The following ARHGAP30 variants were observed in gnomAD, a reference collection of about 807,000 sequenced individuals.
ARHGAP30 encodes the protein rho GTPase-activating protein 30.
ARHGAP30 carries 23 observed loss-of-function variants against 72.0 expected under a neutral mutation model. That is an observed-to-expected ratio of 0.32 (90% CI 0.23 to 0.45). The LOEUF is 0.45. ARHGAP30 is among the 20% of genes least tolerant of loss of function. The pLI is 1.00. For missense variants in ARHGAP30, 1,319 were observed against 1,383.4 expected (o/e 0.95, Z 0.74); for synonymous variants, 576 against 528.2 (o/e 1.09, Z -1.24).
At chr1:161,058,626 C>CA (rs758250379) in intron 2 of ARHGAP30, among the ~76,000 whole-genome samples, 27,277 of 86,650 alleles carry the variant, frequency 0.31, 4,738 homozygotes, top group African/African-American at 0.56. Flanking sequence ...GACTCTGTCT[C>CA]AAAAAAAAAA....
intron 5 of ARHGAP30, 78 bp from the exon 6 acceptor site, chr1:161,053,463 TCTCTCTCTC>T: frequency 3.4e-6 from 1 of 296,968 alleles, no homozygotes; most frequent in South Asian, 7.1e-5. Context: ...AATACCTTAT[TCTCTCTCTC>T]TCTCTCTCTC....
chr1:161,064,789 A>AAGAAAG (rs1652586496), intron 1 of ARHGAP30, among the ~76,000 whole-genome samples: 1 of 67,196 alleles, frequency 1.5e-5, no homozygotes. Context: ...AAAAGAAAGA[A>AAGAAAG]AGAAAGAAAG....
intron 1 of ARHGAP30, among the ~76,000 whole-genome samples, chr1:161,064,835 A>AAGAAAGAAAG (rs1557935481): frequency 0.012 from 868 of 72,968 alleles, 4 homozygotes; most frequent in Middle Eastern, 0.036. Context: ...AAGAAAGAGA[A>AAGAAAGAAAG]AGAAAGAAAG....
At chr1:161,054,813 T>C in intron 3 of ARHGAP30, 108 bp from the exon 4 acceptor site, 1 of 939,676 alleles carries the variant, frequency 1.1e-6, no homozygotes, top group Non-Finnish European at 1.7e-6. Context: ...CTGGACTCTG[T>C]GCTACCCCAT....
chr1:161,051,452 G>C lies in ARHGAP30; in HGVS notation c.1282C>G (p.Leu428Val). The change falls in exon 10 of 12, where the codon CTC becomes GTC. Residue 428 changes from leucine to valine, a missense_variant. Around this residue, in one of 2 missense-constraint regions of ARHGAP30, gnomAD observed 1,097 missense variants for 1,045.2 expected, o/e 1.05. Coordinates refer to ENST00000368013, the MANE Select transcript of ARHGAP30 (RefSeq NM_001025598.2). ...VNLPLHITSI[L>V]SVPPNIISNV... ...GAGATGATGTTCGGGGGCACACTGA[G>C]GATAGAGGTGATGTGTAGCGGGAGG... 6.2e-7 allele frequency: 1 copy of C among 1,614,276 alleles called. No individual in the cohort carries two copies.
At chr1:161,059,746 A>T in intron 1 of ARHGAP30, 30 bp from the exon 2 acceptor site, 1 of 1,586,524 alleles carries the variant, frequency 6.3e-7, no homozygotes. Flanking sequence ...AGAGACATAG[A>T]AATCAGAGGA....
At chr1:161,059,012 T>C (rs1176218347) in intron 2 of ARHGAP30, among the ~76,000 whole-genome samples, 1 of 152,070 alleles carries the variant, frequency 6.6e-6, no homozygotes, top group Non-Finnish European at 1.5e-5. Flanking sequence ...TTTTTTGATA[T>C]GTAAATTATA....
rs753369703 is a variant in ARHGAP30 at position 161,051,346 on chromosome 1, C to G, written c.1388G>C (p.Gly463Ala). The G allele has an allele frequency of 9.2e-5, 148 of 1,610,662 alleles. No homozygotes were observed. In the South Asian group the frequency reaches 1.5e-3, roughly 17 times the overall value. Residue 463 changes from glycine (G) to alanine (A), a missense_variant, in exon 10 of 12, where the codon GGC becomes GCC. By Grantham distance (60) the Gly-to-Ala change is moderately conservative. Coordinates refer to ENST00000368013, the MANE Select transcript of ARHGAP30 (RefSeq NM_001025598.2). The stretch of plus-strand genomic sequence containing the variant: ...GCCAGGGCCAAGGCCAGGGCCAGGG[C>G]CAGGGCCAGAGGCAGGGCTTGGCCG... Reference protein sequence around the residue: ...QHRPSPASGPGPGPGLGPGPP... With the variant: ...QHRPSPASGPAPGPGLGPGPP...
intron 1 of ARHGAP30, among the ~76,000 whole-genome samples, chr1:161,064,378 A>G (rs1652535959): frequency 6.6e-6 from 1 of 152,238 alleles, no homozygotes; most frequent in Non-Finnish European, 1.5e-5. Flanking sequence ...CATCCCTTGG[A>G]GATTTAACAG....
chr1:161,051,569 G>A lies in ARHGAP30; in HGVS notation c.1165C>T (p.Pro389Ser). Residue 389 changes from proline to serine, a missense_variant, in exon 10 of 12, where the codon CCA (proline) becomes TCA (serine). Transcript: ENST00000368013. ...CGGATGGCTGACCGCCCAGCTCGTG[G>A]TGTGCCTGGTTCAGAGTTTGTGCCA... Reference protein sequence around the residue: ...LGGTNSEPGTPRAGRSAIRAG... With the variant: ...LGGTNSEPGTSRAGRSAIRAG... The A allele has an allele frequency of 1.9e-6, 3 of 1,614,076 alleles. No individual in the cohort carries two copies. The highest frequency in any genetic ancestry group is 2.5e-6 in the Non-Finnish European group (3 of 1,180,052).
chr1:161,068,047 A>T (rs1652892592), intron 1 of ARHGAP30, among the ~76,000 whole-genome samples: 1 of 152,132 alleles, frequency 6.6e-6, no homozygotes, highest in South Asian at 2.1e-4. Context: ...CTAGGAATCC[A>T]GGAAGAGGCC....
chr1:161,048,447 C>T lies in ARHGAP30; in HGVS notation c.2574G>A (p.Glu858=). The T allele has an allele frequency of 6.2e-7, 1 of 1,614,106 alleles. No homozygotes were observed. Among genetic ancestry groups the T allele is most frequent in the South Asian group, 1.1e-5 (1 of 91,088 alleles). ...DQRAGGYYLE[E]DTLSEGSGVA... Reference sequence around the variant, plus strand: ...CACCTGAACCTTCAGAGAGGGTGTCCTCTTCTAAATAGTACCCTCCAGCCC... The same window carrying T: ...CACCTGAACCTTCAGAGAGGGTGTCTTCTTCTAAATAGTACCCTCCAGCCC... The change falls in exon 12 of 12, where the codon GAG becomes GAA. Residue 858 remains glutamate (E), a synonymous_variant. Transcript: ENST00000368013.
At chr1:161,065,632 T>A (rs1652700657) in intron 1 of ARHGAP30, among the ~76,000 whole-genome samples, 1 of 151,736 alleles carries the variant, frequency 6.6e-6, no homozygotes. Flanking sequence ...AATGGCGCGA[T>A]CTCAGTTCAC....
At position 161,052,755 on chromosome 1, in the gene ARHGAP30, C is replaced by T. The variant is rs780252856; in HGVS notation, c.707G>A (p.Arg236Gln). Reference protein sequence around the residue: ...ESGWRSLPGTRASGSPEDLMP... With the variant: ...ESGWRSLPGTQASGSPEDLMP... ...AAGGTCCTCGGGGCTGCCTGATGCC[C>T]GGGTCCCTGGAAGCGATCGCCACCC... is the stretch of plus-strand genomic sequence containing the variant. The change falls in exon 7 of 12, where the codon CGG becomes CAG. Residue 236 changes from arginine (R) to glutamine (Q), a missense_variant. Transcript: ENST00000368013. The T allele has an allele frequency of 2.2e-5, 35 of 1,611,784 alleles. No individual in the cohort carries two copies. Among genetic ancestry groups the T allele is most frequent in the Admixed American group, 3.3e-5 (2 of 59,972 alleles).
At chr1:161,053,462 TTCTCTCTC>T (rs57196073) in intron 5 of ARHGAP30, 77 bp from the exon 6 acceptor site, 13,644 of 690,440 alleles carry the variant, frequency 0.02, 33 homozygotes, top group South Asian at 0.033. Flanking sequence ...AAATACCTTA[TTCTCTCTC>T]TCTCTCTCTC....
At chr1:161,053,781 G>C (rs918389953) in intron 5 of ARHGAP30, among the ~76,000 whole-genome samples, 2 of 152,178 alleles carry the variant, frequency 1.3e-5, no homozygotes, top group Non-Finnish European at 2.9e-5. Flanking sequence ...CATTTGGCGT[G>C]AGGCCGGACA....
chr1:161,052,854 G>A (rs1651518948), intron 6 of ARHGAP30, 57 bp from the exon 7 acceptor site: 3 of 1,576,046 alleles, frequency 1.9e-6, no homozygotes, highest in Non-Finnish European at 2.6e-6. Context: ...GGGACCTCAG[G>A]CACCCAATCC....
rs150898288 is a variant in ARHGAP30, at chr1:161,047,863, G to T, written c.3158C>A (p.Pro1053Gln). Residue 1053 changes from proline to glutamine, a missense_variant, in exon 12 of 12, where the codon CCA becomes CAA. Pro to Gln is a moderately conservative substitution (Grantham distance 76). Around this residue, in one of 2 missense-constraint regions of ARHGAP30, gnomAD observed 1,097 missense variants for 1,045.2 expected, o/e 1.05. Transcript: ENST00000368013. ...TCCAGACCCTTCTGCACCTTCAGATGGGAGCTCCAGGCAGCTAAGGGGCCG... is the reference window on the plus strand; with the variant it reads ...TCCAGACCCTTCTGCACCTTCAGATTGGAGCTCCAGGCAGCTAAGGGGCCG... ...SPRPLSCLELPSEGAEGSGSR... is the reference protein window; with the variant it reads ...SPRPLSCLELQSEGAEGSGSR... The T allele has an allele frequency of 4.9e-5, 79 of 1,611,496 alleles. No homozygotes were observed. In the African/African-American group the frequency reaches 7.6e-4, roughly 16 times the overall value.
In ARHGAP30 at chr1:161,049,078, C is replaced by T. The variant is rs772339887; in HGVS notation, c.1943G>A (p.Gly648Asp). The change falls in exon 12 of 12, where the codon GGT (glycine) becomes GAT (aspartate). Residue 648 changes from glycine to aspartate, a missense_variant. Physicochemically the swap from Gly to Asp is moderately conservative, Grantham distance 94 (BLOSUM62 -1). Transcript: ENST00000368013. ...TTCCCAGCATGCCTGCTCTTCCCCACCCTGTCCCAGAGCCTGCCTTCCACA... is the reference window on the plus strand; with the variant it reads ...TTCCCAGCATGCCTGCTCTTCCCCATCCTGTCCCAGAGCCTGCCTTCCACA... ...AGCGRQALGQ[G>D]GEEQACWEVG... 6.8e-6 allele frequency: 11 copies of T among 1,614,052 alleles called. No individual in the cohort carries two copies. In the African/African-American group the frequency reaches 9.3e-5, roughly 14 times the overall value.
Sources: gnomAD v4.1 joint callset for allele counts (sites outside exome capture counted in the v4.1 genomes callset) on GRCh38, gnomAD v4.1.1 for gene constraint, gnomAD v4.1.1 regional missense constraint, MANE v1.5 for transcripts, NCBI Gene and HGNC (gene_info 2026-07-23, HGNC 2026-07-21) for gene names.